CAPN11: variants seen among roughly 807,000 people sequenced by gnomAD.
CAPN11 encodes calpain 11.
In CAPN11, 108 loss-of-function variants were observed where a neutral mutation model predicts 105.3. That is an observed-to-expected ratio of 1.03 (90% CI 0.88 to 1.20). The LOEUF (loss-of-function observed/expected upper bound fraction) is 1.20, where lower values mean the gene tolerates loss of function less well. CAPN11 is among the 50% of genes most tolerant of loss of function. CAPN11 has a pLI of 0.00. For missense variants in CAPN11, 883 were observed against 924.8 expected (o/e 0.95, Z 0.59); for synonymous variants, 329 against 344.5 (o/e 0.96, Z 0.50).
At chr6:44,166,000 G>A (rs1261162628) in intron 1 of CAPN11, among the ~76,000 whole-genome samples, 2 of 152,018 alleles carry the variant, frequency 1.3e-5, no homozygotes, top group Admixed American at 1.3e-4. Context: ...GAGAAATTAG[G>A]GTCCTAGGAG....
chr6:44,179,960 C>G lies in CAPN11; in HGVS notation c.1437C>G (p.Asn479Lys). The G allele has an allele frequency of 6.2e-7, 1 of 1,612,372 alleles. No individual in the cohort carries two copies. The change falls in exon 14 of 23, where the codon AAC (asparagine) becomes AAG (lysine). Residue 479 changes from asparagine (N) to lysine (K), a missense_variant. Asn to Lys is a moderately conservative substitution (Grantham distance 94). Coordinates refer to ENST00000398776, the MANE Select transcript of CAPN11 (RefSeq NM_007058.4). ...TTCCAGGATGCATATAGTTTCAGAA[C>G]ATTCAGGATGTCCACTTGAAGAAGG... is the stretch of plus-strand genomic sequence containing the variant. ...VLYAVPKEFQ[N>K]IQDVHLKKEF...
At chr6:44,179,439 C>T (rs1772756374) in intron 12 of CAPN11, among the ~76,000 whole-genome samples, 180 bp from the exon 13 acceptor site, 1 of 151,896 alleles carries the variant, frequency 6.6e-6, no homozygotes, top group Non-Finnish European at 1.5e-5. Flanking sequence ...TTGTTAATGC[C>T]AGGACCTTTG....
At position 44,172,967 on chromosome 6, in the gene CAPN11, G is replaced by C. The variant is rs372783271; in HGVS notation, c.556G>C (p.Val186Leu). 3 of 1,613,238 alleles carry C rather than the reference G, an allele frequency of 1.9e-6. No homozygotes were observed. Among genetic ancestry groups the C allele is most frequent in the African/African-American group, 2.7e-5 (2 of 74,936 alleles). ...TTGGCAGTTTGGACAGTGGGTGAACGTGGTGGTAGATGACCGGCTGCCCAC... is the reference window on the plus strand; with the variant it reads ...TTGGCAGTTTGGACAGTGGGTGAACCTGGTGGTAGATGACCGGCTGCCCAC... ...QIWQFGQWVN[V>L]VVDDRLPTKN... The change falls in exon 6 of 23, where the codon GTG becomes CTG. Residue 186 changes from valine to leucine, a missense_variant. Coordinates refer to ENST00000398776, the MANE Select transcript of CAPN11 (RefSeq NM_007058.4).
chr6:44,183,309 G>T, intron 21 of CAPN11, 74 bp downstream of exon 21: 1 of 910,066 alleles, frequency 1.1e-6, no homozygotes, highest in Non-Finnish European at 1.8e-6. Flanking sequence ...CCACCCTGAT[G>T]GGTGCTGCTC....
At chr6:44,177,607 C>T in intron 12 of CAPN11, 187 bp downstream of exon 12, 1 of 593,284 alleles carries the variant, frequency 1.7e-6, no homozygotes, top group Non-Finnish European at 3.0e-6. Flanking sequence ...CGTGCCTCAG[C>T]CTTCCCAGTA....
intron 7 of CAPN11, among the ~76,000 whole-genome samples, chr6:44,175,229 C>T (rs772174787): frequency 1.1e-4 from 16 of 152,156 alleles, no homozygotes; most frequent in Non-Finnish European, 2.4e-4. Flanking sequence ...CCTGCAATCC[C>T]AGCACTTTGG....
chr6:44,166,945 GGCGGC>G, intron 2 of CAPN11, 116 bp downstream of exon 2: 4 of 596,170 alleles, frequency 6.7e-6, no homozygotes, highest in East Asian at 3.7e-5. Context: ...GTGTGGGGAG[GGCGGC>G]GGGGGGAGGG....
rs539652743 is a variant in CAPN11 at position 44,180,964 on chromosome 6, G to A, written c.1836G>A (p.Leu612=). The A allele has an allele frequency of 6.2e-7, 1 of 1,613,698 alleles. No individual in the cohort carries two copies. The highest frequency in any genetic ancestry group is 8.5e-7 in the Non-Finnish European group (1 of 1,179,726). Residue 612 remains leucine (L), a synonymous_variant, in exon 18 of 23, where the codon CTG becomes CTA. Coordinates refer to ENST00000398776, the MANE Select transcript of CAPN11 (RefSeq NM_007058.4). The part of the protein sequence containing the change: ...FKSFKTKGFG[L]DACRCMINLM... ...GCTTCAAGACCAAGGGCTTTGGCCT[G>A]GATGCTTGCCGCTGCATGATCAACC...
rs763924207 is a variant in CAPN11 at position 44,180,934 on chromosome 6, C to G, written c.1806C>G (p.Phe602Leu). 5 of 1,613,574 alleles carry G rather than the reference C, an allele frequency of 3.1e-6. No individual in the cohort carries two copies. The South Asian group carries it at 5.5e-5, about 18-fold the overall frequency. ...QRLLNRMAIK[F>L]KSFKTKGFGL... The stretch of plus-strand genomic sequence containing the variant: ...TTCTACCCCTTCCCTTCCTCACAGT[C>G]AAAAGCTTCAAGACCAAGGGCTTTG... The change falls in exon 18 of 23, where the codon TTC becomes TTG. Residue 602 changes from phenylalanine (F) to leucine (L), a missense_variant and splice_region_variant. Physicochemically the swap from Phe to Leu is conservative, Grantham distance 22 (BLOSUM62 0). Coordinates refer to ENST00000398776, the MANE Select transcript of CAPN11 (RefSeq NM_007058.4).
In CAPN11 at chr6:44,176,518, G is replaced by A. The variant is rs889028981; in HGVS notation, c.1002-63G>A. 44 of 1,485,706 alleles carry A rather than the reference G, an allele frequency of 3.0e-5. No individual in the cohort carries two copies. The Admixed American group carries it at 7.4e-4, about 25-fold the overall frequency. The allele number at this position is 1,485,706 out of a possible 1,614,324, so 92.0% of individuals were successfully genotyped here. Reference sequence around the variant, plus strand: ...ACATTCAGGGAAGAGGCAGTCCCCTGGAGAGGAAGGAGGTGCCACATGACC... The same window carrying A: ...ACATTCAGGGAAGAGGCAGTCCCCTAGAGAGGAAGGAGGTGCCACATGACC... On this transcript the variant is annotated intron_variant, in intron 9 of 22. Coordinates refer to ENST00000398776, the MANE Select transcript of CAPN11 (RefSeq NM_007058.4).
rs576695234 is a variant in CAPN11 at position 44,174,052 on chromosome 6, C to T, written c.831+666C>T. 2.6e-5 allele frequency among the ~76,000 whole-genome samples: 4 copies of T among 152,272 alleles called. No homozygotes were observed. In the South Asian group the frequency reaches 6.2e-4, roughly 24 times the overall value. On this transcript the variant is annotated intron_variant, in intron 7 of 22. Transcript: ENST00000398776. ...TCTCATTCACTGCTGGACCCTGGAA[C>T]TTAGGAAGGAGCCCAGCATGCAATA...
At chr6:44,177,210 C>A (rs567163175) in intron 11 of CAPN11, 32 bp from the exon 12 acceptor site, 7 of 1,549,824 alleles carry the variant, frequency 4.5e-6, no homozygotes, top group Non-Finnish European at 6.1e-6. Flanking sequence ...GGGAAGCCCC[C>A]GTATAACCAC....
intron 1 of CAPN11, among the ~76,000 whole-genome samples, chr6:44,159,719 C>T (rs1046478538): frequency 3.3e-5 from 5 of 151,860 alleles, no homozygotes; most frequent in Admixed American, 3.3e-4. Flanking sequence ...ATTATTATTA[C>T]TTATTAGTAT....
At chr6:44,173,544 G>A (rs1290657175) in intron 7 of CAPN11, among the ~76,000 whole-genome samples, 158 bp downstream of exon 7, 3 of 150,442 alleles carry the variant, frequency 2.0e-5, no homozygotes, top group Non-Finnish European at 1.5e-5. Flanking sequence ...TAAAGTCGCC[G>A]TCCCCACCCT....
At position 44,173,327 on chromosome 6, in the gene CAPN11, C is replaced by G. The variant is rs1056021429; in HGVS notation, c.772C>G (p.Leu258Val). Residue 258 changes from leucine to valine, a missense_variant, in exon 7 of 23, where the codon CTG (leucine) becomes GTG (valine). Leu to Val is a conservative substitution (Grantham distance 32). Transcript: ENST00000398776. ...SFQLQRPPQN[L>V]LRLLRKAVER... ...CCAACTCCAGAGGCCCCCTCAGAACCTGCTCAGGCTCCTTAGGAAGGCCGT... is the reference window on the plus strand; with the variant it reads ...CCAACTCCAGAGGCCCCCTCAGAACGTGCTCAGGCTCCTTAGGAAGGCCGT... 2 of 1,613,822 alleles carry G rather than the reference C, an allele frequency of 1.2e-6. No homozygotes were observed. Among genetic ancestry groups the G allele is most frequent in the African/African-American group, 2.7e-5 (2 of 74,924 alleles).
intron 14 of CAPN11, 104 bp from the exon 15 acceptor site, chr6:44,180,356 G>T (rs1772923029): frequency 8.9e-7 from 1 of 1,119,570 alleles, no homozygotes; most frequent in Non-Finnish European, 1.3e-6. Flanking sequence ...CCATGGAGCT[G>T]CCCTATATTG....
Position 44,181,010 on chromosome 6 carries a change from C to T in CAPN11, c.1869+13C>T. ...CAACCTCATGGATGTATCCTCCTGT[C>T]CAGTGCTCTCTTGGCCCTGTCCCCT... is the stretch of plus-strand genomic sequence containing the variant. On this transcript the variant is annotated intron_variant, in intron 18 of 22. Coordinates refer to ENST00000398776, the MANE Select transcript of CAPN11 (RefSeq NM_007058.4). 1 of 1,609,930 alleles carries T rather than the reference C, an allele frequency of 6.2e-7. No individual in the cohort carries two copies. Among genetic ancestry groups the T allele is most frequent in the African/African-American group, 1.3e-5 (1 of 74,938 alleles).
chr6:44,164,691 A>G (rs1466391167), intron 1 of CAPN11, among the ~76,000 whole-genome samples: 1 of 152,204 alleles, frequency 6.6e-6, no homozygotes, highest in Non-Finnish European at 1.5e-5. Context: ...GCATGGGATC[A>G]GGAATGATTG....
chr6:44,169,219 C>T (rs1770552292), intron 2 of CAPN11, 62 bp from the exon 3 acceptor site: 4 of 1,498,200 alleles, frequency 2.7e-6, no homozygotes, highest in Middle Eastern at 1.9e-4. Flanking sequence ...CAGGAGTGAA[C>T]CACTGTGCCC....
Sources: gnomAD v4.1 joint callset for allele counts (sites outside exome capture counted in the v4.1 genomes callset) on GRCh38, gnomAD v4.1.1 for gene constraint, MANE v1.5 for transcripts, NCBI Gene and HGNC (gene_info 2026-07-23, HGNC 2026-07-21) for gene names.